The following ATRN variants were observed in gnomAD, a reference collection of about 807,000 sequenced individuals.
The protein encoded by ATRN is attractin-2.
In ATRN, 54 loss-of-function variants were observed where a neutral mutation model predicts 178.7. The ratio of observed to expected loss-of-function variants is 0.30; its 90% CI spans 0.24 to 0.38. The LOEUF is 0.38. Ranked by LOEUF, ATRN falls within the 10% of genes least tolerant of loss-of-function variation. ATRN has a pLI of 1.00. For missense variants in ATRN, 1,443 were observed against 1,815.1 expected (o/e 0.79, Z 3.73); for synonymous variants, 636 against 663.0 (o/e 0.96, Z 0.63).
chr20:3,574,169 C>T (rs2086170915), intron 12 of ATRN, among the ~76,000 whole-genome samples: 1 of 152,152 alleles, frequency 6.6e-6, no homozygotes, highest in Admixed American at 6.5e-5. Flanking sequence ...AGCTTTCATT[C>T]CTGGGATGCT....
Position 3,632,875 on chromosome 20 carries a change from G to A in ATRN, c.3864-1436G>A, listed in dbSNP as rs886067328. Among the ~76,000 whole-genome samples the A allele has an allele frequency of 1.3e-5, 2 of 152,224 alleles. No individual in the cohort carries two copies. The highest frequency in any genetic ancestry group is 2.4e-5 in the African/African-American group (1 of 41,456). On this transcript the variant is annotated intron_variant, in intron 25 of 28. Coordinates refer to ENST00000262919, the MANE Select transcript of ATRN (RefSeq NM_139321.3). This position sits in a 1 kb window ranked among gnomAD's most constrained non-coding sequence, Gnocchi z 4.2. ...TAAAAAGACAATGTAGGCCAGTCAC[G>A]TGAGGCCTGTAATCTTTGCCAAGGC...
At chr20:3,517,003 G>A (rs971759970) in intron 1 of ATRN, among the ~76,000 whole-genome samples, 13 of 152,066 alleles carry the variant, frequency 8.5e-5, no homozygotes, top group Non-Finnish European at 1.8e-4. Context: ...TATATACCCA[G>A]TAATGGGATT....
chr20:3,471,288 C>A lies in ATRN; in HGVS notation c.181C>A (p.Leu61Met). 1 of 1,458,746 alleles carries A rather than the reference C, an allele frequency of 6.9e-7. No homozygotes were observed. Among genetic ancestry groups the A allele is most frequent in the Non-Finnish European group, 9.0e-7 (1 of 1,114,744 alleles). The allele number at this position is 1,458,746 out of a possible 1,614,324, so 90.4% of individuals were successfully genotyped here. A position where few individuals can be genotyped will look rare whatever the true frequency, so the allele number is the denominator to read the frequency against. The change falls in exon 1 of 29, where the codon CTG becomes ATG. Residue 61 changes from leucine (L) to methionine (M), a missense_variant. Coordinates refer to ENST00000262919, the MANE Select transcript of ATRN (RefSeq NM_139321.3). The part of the protein sequence containing the change: ...RLLSPPLRPR[L>M]LLLLLLLSPP... ...GCTGTCTCCACCGCTGCGGCCACGG[C>A]TGCTGCTGCTGCTGTTGTTGCTCTC...
chr20:3,635,362 A>ATAAT (rs949999313), intron 26 of ATRN, among the ~76,000 whole-genome samples: 9 of 120,360 alleles, frequency 7.5e-5, no homozygotes, highest in African/African-American at 2.8e-4. Context: ...ACCTATTGAA[A>ATAAT]TAATAAATAA....
At chr20:3,590,423 A>G (rs1232749543) in intron 18 of ATRN, among the ~76,000 whole-genome samples, 2 of 152,066 alleles carry the variant, frequency 1.3e-5, no homozygotes, top group Non-Finnish European at 2.9e-5. Flanking sequence ...TGTTTCCCCC[A>G]TCCTATTCCC....
At chr20:3,580,749 A>T (rs1600127030) in intron 15 of ATRN, among the ~76,000 whole-genome samples, 1 of 151,950 alleles carries the variant, frequency 6.6e-6, no homozygotes, top group Non-Finnish European at 1.5e-5. Flanking sequence ...ATGGGAGGGG[A>T]TTTTTATAGT....
intron 3 of ATRN, among the ~76,000 whole-genome samples, chr20:3,542,620 C>G (rs1404210349): frequency 8.9e-5 from 11 of 123,990 alleles, no homozygotes; most frequent in African/African-American, 3.5e-4. Flanking sequence ...CCCCCTTCCC[C>G]TTTTCCTTCC....
At chr20:3,559,084 C>T (rs982910799) in intron 6 of ATRN, among the ~76,000 whole-genome samples, 2 of 152,058 alleles carry the variant, frequency 1.3e-5, no homozygotes, top group African/African-American at 2.4e-5. Context: ...AATTTTGAGT[C>T]CCTTGAGTAC....
rs564059900 is a variant in ATRN, at chr20:3,607,600, C to T, written c.3801+3338C>T. Among the ~76,000 whole-genome samples, 8 of 152,344 alleles carry T rather than the reference C, an allele frequency of 5.3e-5. No individual in the cohort carries two copies. The South Asian group carries it at 1.4e-3, about 28-fold the overall frequency. On this transcript the variant is annotated intron_variant, in intron 24 of 28. Coordinates refer to ENST00000262919, the MANE Select transcript of ATRN (RefSeq NM_139321.3). ...ATATTTCATTGTATAATATATACAA[C>T]ATTTTATTTGTCCATTCATTTGTTG...
intron 1 of ATRN, among the ~76,000 whole-genome samples, chr20:3,482,125 G>T (rs2084630639): frequency 6.6e-6 from 1 of 151,612 alleles, no homozygotes; most frequent in Non-Finnish European, 1.5e-5. Context: ...TAAAGTAAAA[G>T]TAGTTTGTTA....
At chr20:3,634,537 A>G (rs2087012079) in intron 26 of ATRN, 148 bp downstream of exon 26, 6 of 647,690 alleles carry the variant, frequency 9.3e-6, no homozygotes, top group Non-Finnish European at 1.6e-5. Flanking sequence ...TCTGCAGTCC[A>G]TGGTTCTGCA....
rs151527 is a variant in ATRN at position 3,532,051 on chromosome 20, G to A, written c.411-3202G>A. 3.9e-3 allele frequency among the ~76,000 whole-genome samples: 598 copies of A among 152,262 alleles called. 2 individuals carry two copies. The highest frequency in any genetic ancestry group is 0.01 in the Middle Eastern group (3 of 294). On this transcript the variant is annotated intron_variant, in intron 1 of 28. Transcript: ENST00000262919. ...AGGCTTTGGTAGGAGGATCACCTAA[G>A]CCCAGGAGTTTGAGGCTGGAGTGAG...
At chr20:3,533,803 T>G (rs1049060750) in intron 1 of ATRN, among the ~76,000 whole-genome samples, 1 of 152,214 alleles carries the variant, frequency 6.6e-6, no homozygotes, top group South Asian at 2.1e-4. Context: ...ATGATGTATA[T>G]CTATATCTAT....
chr20:3,621,666 C>A (rs1369092565), intron 24 of ATRN, among the ~76,000 whole-genome samples: 1 of 152,056 alleles, frequency 6.6e-6, no homozygotes, highest in South Asian at 2.1e-4. Context: ...ATTTTCATTA[C>A]CTTCAGTATC....
Position 3,638,935 on chromosome 20 carries a change from G to A in ATRN, c.4050G>A (p.Lys1350=), listed in dbSNP as rs1197862042. 6.2e-7 allele frequency: 1 copy of A among 1,612,872 alleles called. No individual in the cohort carries two copies. Among genetic ancestry groups the A allele is most frequent in the Non-Finnish European group, 8.5e-7 (1 of 1,179,236 alleles). ...CTGATCTTATTGGGGGGAGTATAAA[G>A]GTGAGAATGTGACTCAGAAGTCCCT... ...EPPDLIGGSI[K]TVPKPIALEP... Residue 1350 remains lysine (K), a splice_region_variant and synonymous_variant, in exon 27 of 29, where the codon AAG becomes AAA. Coordinates refer to ENST00000262919, the MANE Select transcript of ATRN (RefSeq NM_139321.3). The surrounding 1 kb of genome is among the most constrained non-coding windows in gnomAD (Gnocchi z 4.5).
intron 1 of ATRN, among the ~76,000 whole-genome samples, chr20:3,528,805 C>G (rs2085410225): frequency 6.6e-6 from 1 of 152,020 alleles, no homozygotes; most frequent in Non-Finnish European, 1.5e-5. Flanking sequence ...AAAGGGTACT[C>G]AGAATCTTTT....
chr20:3,640,535 AG>A (rs1475926677), intron 27 of ATRN, among the ~76,000 whole-genome samples: 1 of 152,270 alleles, frequency 6.6e-6, no homozygotes, highest in East Asian at 1.9e-4. Flanking sequence ...GAAGGCAGGA[AG>A]GAAAGAAAAC....
At chr20:3,636,235 C>T (rs1453074259) in intron 26 of ATRN, among the ~76,000 whole-genome samples, 1 of 152,158 alleles carries the variant, frequency 6.6e-6, no homozygotes, top group Non-Finnish European at 1.5e-5. Flanking sequence ...ACAAAGGTAG[C>T]ACCAAAATAC....
chr20:3,538,761 G>A (rs988301713), intron 2 of ATRN, among the ~76,000 whole-genome samples: 1 of 151,870 alleles, frequency 6.6e-6, no homozygotes, highest in South Asian at 2.1e-4. Context: ...CTCTCTCCTG[G>A]GCCACTTAAT....
Sources: allele counts gnomAD v4.1 joint callset (sites outside exome capture counted in the v4.1 genomes callset), GRCh38; gene constraint gnomAD v4.1.1; non-coding constraint Gnocchi (gnomAD v3.1); transcripts MANE v1.5; gene names NCBI Gene and HGNC (gene_info 2026-07-23, HGNC 2026-07-21).